ESCO1: variants seen among roughly 807,000 people sequenced by gnomAD.
ESCO1 encodes establishment of sister chromatid cohesion N-acetyltransferase 1, also known as N-acetyltransferase ESCO1.
ESCO1 carries 33 observed loss-of-function variants against 83.5 expected under a neutral mutation model. The observed-to-expected ratio is 0.40, with a 90% CI of 0.30 to 0.53. The LOEUF (loss-of-function observed/expected upper bound fraction) is 0.53, where lower values mean the gene tolerates loss of function less well. Ranked by LOEUF, ESCO1 falls within the 20% of genes least tolerant of loss-of-function variation. ESCO1 has a pLI of 0.63. For synonymous variants in ESCO1, 332 were observed against 324.3 expected (o/e 1.02, Z -0.25); for missense variants, 855 against 968.0 (o/e 0.88, Z 1.55).
At chr18:21,592,607 C>G (rs1187742978) in intron 1 of ESCO1, among the ~76,000 whole-genome samples, 9 of 146,340 alleles carry the variant, frequency 6.2e-5, no homozygotes, top group Non-Finnish European at 1.1e-4. Flanking sequence ...GGGAGGCTGA[C>G]CCCCCCACCT....
intron 8 of ESCO1, among the ~76,000 whole-genome samples, chr18:21,547,935 C>G (rs1476610721): frequency 6.6e-6 from 1 of 152,002 alleles, no homozygotes; most frequent in African/African-American, 2.4e-5. Flanking sequence ...AACCCTGTCT[C>G]TACTAAAAAT....
At chr18:21,586,113 C>T (rs2038572648) in intron 1 of ESCO1, among the ~76,000 whole-genome samples, 1 of 152,182 alleles carries the variant, frequency 6.6e-6, no homozygotes, top group South Asian at 2.1e-4. Flanking sequence ...TAGTGAGCTA[C>T]CAAACACTAG....
chr18:21,599,354 A>G (rs550253827), intron 1 of ESCO1, among the ~76,000 whole-genome samples: 8 of 152,354 alleles, frequency 5.3e-5, no homozygotes, highest in African/African-American at 1.9e-4. Flanking sequence ...AAATAAAATA[A>G]TAACTTAAAA....
intron 8 of ESCO1, among the ~76,000 whole-genome samples, chr18:21,548,699 G>C (rs889530453): frequency 1.3e-5 from 2 of 152,032 alleles, no homozygotes; most frequent in African/African-American, 2.4e-5. Context: ...CAGCACTTTG[G>C]GAGGCCAAGG....
At chr18:21,591,609 C>T (rs1216109157) in intron 1 of ESCO1, among the ~76,000 whole-genome samples, 1 of 151,590 alleles carries the variant, frequency 6.6e-6, no homozygotes, top group Non-Finnish European at 1.5e-5. Context: ...TTTTCTTCTC[C>T]AATCACACTG....
intron 8 of ESCO1, among the ~76,000 whole-genome samples, chr18:21,558,029 T>C (rs1598462148): frequency 6.6e-6 from 1 of 151,020 alleles, no homozygotes; most frequent in East Asian, 1.9e-4. Context: ...ACGCAGGCAG[T>C]GATGCAATCT....
intron 7 of ESCO1, 25 bp downstream of exon 7, chr18:21,564,178 C>A: frequency 7.0e-7 from 1 of 1,430,672 alleles, no homozygotes; most frequent in Admixed American, 1.9e-5. Flanking sequence ...AACAATTCAC[C>A]AAAATGGTCA....
intron 11 of ESCO1, 118 bp from the exon 12 acceptor site, chr18:21,530,608 A>G: frequency 4.3e-6 from 4 of 936,120 alleles, no homozygotes; most frequent in Non-Finnish European, 4.6e-6. Context: ...AAAGCTTTTT[A>G]GATACTGCTG....
chr18:21,589,250 AAAAT>A (rs1314683525), intron 1 of ESCO1, among the ~76,000 whole-genome samples: 3 of 152,070 alleles, frequency 2.0e-5, no homozygotes, highest in Non-Finnish European at 4.4e-5. Flanking sequence ...AAAAAAAAAA[AAAAT>A]AGATAACATC....
At chr18:21,599,638 T>C (rs1372063392) in intron 1 of ESCO1, among the ~76,000 whole-genome samples, 1 of 152,176 alleles carries the variant, frequency 6.6e-6, no homozygotes, top group Non-Finnish European at 1.5e-5. Flanking sequence ...AGGAATCTCA[T>C]TGCAGCTAAG....
At chr18:21,590,959 G>GA (rs150054622) in intron 1 of ESCO1, among the ~76,000 whole-genome samples, 29,924 of 150,630 alleles carry the variant, frequency 0.2, 3,612 homozygotes, top group East Asian at 0.44. Context: ...AAAAAAAAAA[G>GA]AAAAAAATCC....
intron 1 of ESCO1, among the ~76,000 whole-genome samples, chr18:21,595,359 C>T (rs1361140352): frequency 2.3e-5 from 3 of 130,614 alleles, no homozygotes; most frequent in South Asian, 2.5e-4. Flanking sequence ...AGCAAAACTC[C>T]GTCTCAAAAA....
chr18:21,556,701 CT>C (rs897597712), intron 8 of ESCO1, among the ~76,000 whole-genome samples: 99 of 147,556 alleles, frequency 6.7e-4, no homozygotes, highest in African/African-American at 1.3e-3. Context: ...TCTGTCAACT[CT>C]TTTTTTTTTT....
At chr18:21,571,249 G>A (rs545468436) in intron 4 of ESCO1, among the ~76,000 whole-genome samples, 49 of 151,908 alleles carry the variant, frequency 3.2e-4, no homozygotes, top group Non-Finnish European at 5.9e-4. Context: ...GTACAGTGGC[G>A]TGATCTTGGC....
intron 4 of ESCO1, among the ~76,000 whole-genome samples, chr18:21,568,975 A>G (rs2038300854): frequency 6.6e-6 from 1 of 152,108 alleles, no homozygotes. Context: ...TACTCCATTA[A>G]TGTGGCTACC....
chr18:21,562,572 T>C (rs2038202831), intron 7 of ESCO1, among the ~76,000 whole-genome samples: 1 of 151,844 alleles, frequency 6.6e-6, no homozygotes, highest in Non-Finnish European at 1.5e-5. Flanking sequence ...GGCTGGGAGG[T>C]TGAGGCTGCA....
chr18:21,596,585 C>A (rs193077445), intron 1 of ESCO1, among the ~76,000 whole-genome samples: 3 of 152,186 alleles, frequency 2.0e-5, no homozygotes, highest in Admixed American at 1.3e-4. Flanking sequence ...GTAATCCCAG[C>A]ACTTTGGGAG....
At chr18:21,548,385 C>A (rs2038001195) in intron 8 of ESCO1, among the ~76,000 whole-genome samples, 1 of 152,054 alleles carries the variant, frequency 6.6e-6, no homozygotes, top group African/African-American at 2.4e-5. Context: ...GTCTCAGCTA[C>A]TCAGCAGGCT....
chr18:21,564,067 A>G (rs1371787522), intron 7 of ESCO1, 136 bp downstream of exon 7: 1 of 616,076 alleles, frequency 1.6e-6, no homozygotes, highest in Non-Finnish European at 2.8e-6. Context: ...TGCAGATGTC[A>G]GGCCATAGAA....
Sources: allele counts gnomAD v4.1 joint callset (sites outside exome capture counted in the v4.1 genomes callset), GRCh38; gene constraint gnomAD v4.1.1; transcripts MANE v1.5; gene names NCBI Gene and HGNC (gene_info 2026-07-23, HGNC 2026-07-21).